The following RNF130 variants were observed in gnomAD, a reference collection of about 807,000 sequenced individuals.
The protein encoded by RNF130 is E3 ubiquitin-protein ligase RNF130.
In RNF130, 21 loss-of-function variants were observed where a neutral mutation model predicts 44.6. The observed-to-expected ratio is 0.47, with a 90% confidence interval of 0.33 to 0.68. The LOEUF (loss-of-function observed/expected upper bound fraction) is 0.68. RNF130 is among the 30% of genes least tolerant of loss of function. The probability of loss-of-function intolerance (pLI) is 0.02; values close to 1 mark genes in which losing one functional copy is unlikely to be tolerated. For synonymous variants in RNF130, 214 were observed against 210.4 expected (o/e 1.02, Z -0.15); for missense variants, 479 against 560.6 (o/e 0.85, Z 1.47).
At position 179,977,004 on chromosome 5, in the gene RNF130, G is replaced by A. The variant is rs1762728153; in HGVS notation, c.848+1199C>T. On this transcript the variant is annotated intron_variant, in intron 5 of 8. Coordinates refer to ENST00000521389, the MANE Select transcript of RNF130 (RefSeq NM_018434.6). This position sits in a 1 kb window ranked among gnomAD's most constrained non-coding sequence, Gnocchi z 4.1. ...GGAGAAACCAACATGCTGTTTCCAG[G>A]GCAACCAGGCACAGGCGAGTCCTTT... 6.6e-6 allele frequency: 1 copy of A among 152,144 alleles called. No homozygotes were observed. The highest frequency in any genetic ancestry group is 1.5e-5 in the Non-Finnish European group (1 of 68,058). 9.4% of individuals were successfully genotyped at this position (152,144 alleles called of 1,614,324 possible).
intron 7 of RNF130, among the ~76,000 whole-genome samples, chr5:179,942,240 A>G (rs1673444578): frequency 7.7e-6 from 1 of 129,512 alleles, no homozygotes; most frequent in South Asian, 2.8e-4. Context: ...TTATTTCTGT[A>G]CCATCAGTTA....
chr5:180,055,230 C>G (rs1165281057), intron 1 of RNF130, among the ~76,000 whole-genome samples: 2 of 115,106 alleles, frequency 1.7e-5, no homozygotes, highest in African/African-American at 6.9e-5. Context: ...GCCTGGGCAA[C>G]AGAGTGAGGT....
At position 180,015,654 on chromosome 5, in the gene RNF130, A is replaced by AGGAAAGGAGTAGGGAAAGGAGTAG. The variant is rs1554104756; in HGVS notation, c.443-2344_443-2343insCTACTCCTTTCCCTACTCCTTTCC. Among the ~76,000 whole-genome samples the AGGAAAGGAGTAGGGAAAGGAGTAG allele has an allele frequency of 9.6e-4, 72 of 74,656 alleles. 19 individuals carry two copies. The highest frequency in any genetic ancestry group is 1.2e-3 in the East Asian group (3 of 2,608). 49.0% of individuals were successfully genotyped at this position (74,656 alleles called of 152,430 possible). On this transcript the variant is annotated intron_variant, in intron 2 of 8. Coordinates refer to ENST00000521389, the MANE Select transcript of RNF130 (RefSeq NM_018434.6). ...TAGGGAAAGGAGTAGGGAAAGGAGTAGGAAAGGAGTAGGAAAGGAGTAGGG... is the reference window on the plus strand; with the variant it reads ...TAGGGAAAGGAGTAGGGAAAGGAGTAGGAAAGGAGTAGGGAAAGGAGTAGGGAAAGGAGTAGGAAAGGAGTAGGG...
intron 5 of RNF130, among the ~76,000 whole-genome samples, chr5:179,974,979 C>T (rs1054893325): frequency 3.3e-5 from 5 of 152,248 alleles, no homozygotes; most frequent in African/African-American, 9.6e-5. Flanking sequence ...GAAGAACAAG[C>T]GTGTGAGTTA....
At chr5:180,005,433 A>AAACAAC (rs10645011) in intron 3 of RNF130, among the ~76,000 whole-genome samples, 1 of 151,820 alleles carries the variant, frequency 6.6e-6, no homozygotes, top group Admixed American at 6.6e-5. Flanking sequence ...TGTCTCAGAA[A>AAACAAC]AACAACAACA....
At chr5:180,032,736 T>C (rs1764158056) in intron 2 of RNF130, among the ~76,000 whole-genome samples, 1 of 152,202 alleles carries the variant, frequency 6.6e-6, no homozygotes, top group African/African-American at 2.4e-5. Context: ...ATTACTAAAG[T>C]TGTGAAACGG....
intron 7 of RNF130, among the ~76,000 whole-genome samples, chr5:179,948,235 T>A (rs1407667843): frequency 6.6e-6 from 1 of 152,232 alleles, no homozygotes; most frequent in South Asian, 2.1e-4. Context: ...TGGTTATACA[T>A]GTGAACAACT....
intron 2 of RNF130, among the ~76,000 whole-genome samples, chr5:180,030,361 A>G (rs892198634): frequency 2.0e-5 from 3 of 152,194 alleles, no homozygotes; most frequent in Non-Finnish European, 4.4e-5. Flanking sequence ...TATACTTTTT[A>G]AAAACAGCCT....
At chr5:179,967,102 G>C in intron 6 of RNF130, 92 bp from the exon 7 acceptor site, 1 of 1,149,510 alleles carries the variant, frequency 8.7e-7, no homozygotes. Context: ...ACGCCCTGTT[G>C]CAAAGACCTT....
intron 8 of RNF130, among the ~76,000 whole-genome samples, chr5:179,963,202 C>T (rs1762372115): frequency 1.3e-5 from 2 of 152,272 alleles, no homozygotes; most frequent in African/African-American, 4.8e-5. Context: ...ACTTGCATTA[C>T]ACTGCTGATT....
intron 7 of RNF130, among the ~76,000 whole-genome samples, chr5:179,935,850 A>G (rs773823273): frequency 2.1e-4 from 32 of 152,100 alleles, no homozygotes; most frequent in Non-Finnish European, 4.3e-4. Context: ...ATAAATGAGT[A>G]CTTTGACTCC....
chr5:180,070,973 C>T (rs918074643), intron 1 of RNF130, among the ~76,000 whole-genome samples: 1 of 103,162 alleles, frequency 9.7e-6, no homozygotes, highest in African/African-American at 3.2e-5. Context: ...TGTCCATTTT[C>T]CATTTACACC....
intron 2 of RNF130, among the ~76,000 whole-genome samples, chr5:180,021,369 T>A (rs1763870280): frequency 6.6e-6 from 1 of 152,206 alleles, no homozygotes; most frequent in Non-Finnish European, 1.5e-5. Flanking sequence ...CTGTTTTTCA[T>A]TTATTGATGT....
exon 8 of RNF130, chr5:179,912,105 A>T (rs1225648589): frequency 6.6e-6 from 1 of 152,232 alleles, no homozygotes; most frequent in Non-Finnish European, 1.5e-5. Flanking sequence ...CCTGTGCTAT[A>T]GTTAGAAAAA....
At chr5:179,994,097 G>A (rs1026537314) in intron 3 of RNF130, among the ~76,000 whole-genome samples, 1 of 152,074 alleles carries the variant, frequency 6.6e-6, no homozygotes, top group Non-Finnish European at 1.5e-5. Flanking sequence ...CTCTGTTTTG[G>A]TACCAGTACC....
At chr5:179,953,421 T>C (rs1323499573), downstream of RNF130, among the ~76,000 whole-genome samples, 1 of 152,080 alleles carries the variant, frequency 6.6e-6, no homozygotes, top group Non-Finnish European at 1.5e-5. Context: ...CTTCCCAATT[T>C]CAAAACTTAC....
chr5:180,040,773 G>T, intron 1 of RNF130, 126 bp from the exon 2 acceptor site: 1 of 755,412 alleles, frequency 1.3e-6, no homozygotes, highest in Non-Finnish European at 2.1e-6. Context: ...TGCCAGCAGA[G>T]CTATGAATAC....
chr5:179,932,396 T>C (rs2113676860), intron 7 of RNF130, among the ~76,000 whole-genome samples: 1 of 152,116 alleles, frequency 6.6e-6, no homozygotes, highest in South Asian at 2.1e-4. Flanking sequence ...TAGCTGGGAC[T>C]ACAGACATGC....
chr5:180,038,699 C>T (rs1764335414), intron 2 of RNF130, among the ~76,000 whole-genome samples: 1 of 152,028 alleles, frequency 6.6e-6, no homozygotes, highest in Admixed American at 6.5e-5. Context: ...TTTTTAAATA[C>T]AAGTAATTTA....
Sources: allele counts gnomAD v4.1 joint callset (sites outside exome capture counted in the v4.1 genomes callset), GRCh38; gene constraint gnomAD v4.1.1; non-coding constraint Gnocchi (gnomAD v3.1); transcripts MANE v1.5; gene names NCBI Gene and HGNC (gene_info 2026-07-23, HGNC 2026-07-21).